LYPLAL1: variants seen among roughly 807,000 people sequenced by gnomAD.
LYPLAL1 encodes lysophospholipase-like protein 1.
LYPLAL1 carries 23 observed loss-of-function variants against 19.7 expected under a neutral mutation model. The ratio of observed to expected loss-of-function variants is 1.17; its 90% CI spans 0.84 to 1.65. The LOEUF (loss-of-function observed/expected upper bound fraction) is 1.65. Ranked by LOEUF, LYPLAL1 falls within the 40% of genes most tolerant of loss-of-function variation. The pLI is 0.00. For missense variants in LYPLAL1, 355 were observed against 279.4 expected (o/e 1.27, Z -1.93); for synonymous variants, 119 against 96.3 (o/e 1.24, Z -1.38).
At chr1:219,237,576 C>G in the LYPLAL1 span, among the ~76,000 whole-genome samples, 1 of 152,278 alleles carries the variant, frequency 6.6e-6, no homozygotes, top group East Asian at 1.9e-4. Context: ...TATCTTGTTG[C>G]TCGGTCTACT....
At chr1:219,356,422 C>T in the LYPLAL1 span, among the ~76,000 whole-genome samples, 1 of 152,132 alleles carries the variant, frequency 6.6e-6, no homozygotes, top group Non-Finnish European at 1.5e-5. Flanking sequence ...ATCGCTTGAA[C>T]CCGGGAGGCG....
chr1:219,213,534 T>A (rs1291788165), downstream of LYPLAL1, among the ~76,000 whole-genome samples: 1 of 152,050 alleles, frequency 6.6e-6, no homozygotes, highest in African/African-American at 2.4e-5. Context: ...CTATGTTGAA[T>A]CTTCTAATCC....
chr1:219,295,173 T>C, the LYPLAL1 span, among the ~76,000 whole-genome samples: 6 of 152,202 alleles, frequency 3.9e-5, no homozygotes, highest in African/African-American at 1.4e-4. Flanking sequence ...AACTTGCCTA[T>C]GCCCTTATCA....
the LYPLAL1 span, among the ~76,000 whole-genome samples, chr1:219,330,840 C>A: frequency 6.6e-6 from 1 of 152,168 alleles, no homozygotes; most frequent in African/African-American, 2.4e-5. Context: ...GCTGAGAAGA[C>A]TATTGATTGA....
the LYPLAL1 span, among the ~76,000 whole-genome samples, chr1:219,366,863 A>G: frequency 1.3e-5 from 2 of 152,042 alleles, no homozygotes; most frequent in African/African-American, 4.8e-5. Context: ...AGTGTGCAAT[A>G]TCATATCCCT....
intron 2 of LYPLAL1, among the ~76,000 whole-genome samples, chr1:219,183,577 C>A (rs540817819): frequency 6.6e-6 from 1 of 152,048 alleles, no homozygotes; most frequent in East Asian, 1.9e-4. Context: ...TTTCCTTGTG[C>A]TTCTTTCAAG....
the LYPLAL1 span, among the ~76,000 whole-genome samples, chr1:219,285,037 C>CATA: frequency 6.6e-6 from 1 of 152,178 alleles, no homozygotes; most frequent in African/African-American, 2.4e-5. Flanking sequence ...AGTGTCTACA[C>CATA]AGTTAAGAAG....
the LYPLAL1 span, among the ~76,000 whole-genome samples, chr1:219,314,377 T>C: frequency 6.6e-6 from 1 of 152,276 alleles, no homozygotes; most frequent in Admixed American, 6.5e-5. Context: ...AATTCTGTTT[T>C]AACCTCTTTG....
the LYPLAL1 span, among the ~76,000 whole-genome samples, chr1:219,290,802 T>C: frequency 0.47 from 71,362 of 152,034 alleles, 17,504 homozygotes; most frequent in East Asian, 0.8. Flanking sequence ...TAACATAACT[T>C]GTGACCATAC....
chr1:219,258,528 T>C, the LYPLAL1 span, among the ~76,000 whole-genome samples: 3,513 of 152,126 alleles, frequency 0.023, 159 homozygotes, highest in African/African-American at 0.081. Flanking sequence ...AAACGTAAGG[T>C]ATATCTTTTG....
the LYPLAL1 span, among the ~76,000 whole-genome samples, chr1:219,293,854 A>G: frequency 1.3e-5 from 2 of 152,240 alleles, no homozygotes; most frequent in Admixed American, 6.5e-5. Flanking sequence ...TTTAAGGAAG[A>G]GAAAGGATGC....
the LYPLAL1 span, among the ~76,000 whole-genome samples, chr1:219,247,636 T>C: frequency 6.6e-6 from 1 of 152,214 alleles, no homozygotes; most frequent in Non-Finnish European, 1.5e-5. Flanking sequence ...TATAATGTGA[T>C]TGGTAACCAG....
chr1:219,308,130 T>G, the LYPLAL1 span, among the ~76,000 whole-genome samples: 2 of 152,186 alleles, frequency 1.3e-5, no homozygotes, highest in African/African-American at 4.8e-5. Flanking sequence ...CTTGTTATGT[T>G]TAATGAAGAG....
At chr1:219,304,391 T>C in the LYPLAL1 span, among the ~76,000 whole-genome samples, 1 of 152,334 alleles carries the variant, frequency 6.6e-6, no homozygotes, top group African/African-American at 2.4e-5. Flanking sequence ...ATCACTGGCA[T>C]ATGTGGGTAG....
At chr1:219,392,347 T>C in the LYPLAL1 span, among the ~76,000 whole-genome samples, 2 of 152,218 alleles carry the variant, frequency 1.3e-5, no homozygotes, top group South Asian at 4.1e-4. Context: ...ATTACTACAG[T>C]AGGCAAAATC....
chr1:219,383,247 C>T, the LYPLAL1 span, among the ~76,000 whole-genome samples: 2 of 152,342 alleles, frequency 1.3e-5, no homozygotes, highest in East Asian at 3.9e-4. Context: ...TTATATTCTA[C>T]TCAAAACTCA....
At chr1:219,175,370 A>AG (rs751237879) in intron 1 of LYPLAL1, among the ~76,000 whole-genome samples, 1 of 152,174 alleles carries the variant, frequency 6.6e-6, no homozygotes, top group Non-Finnish European at 1.5e-5. Context: ...CTTAATAACT[A>AG]GGAGACTGGT....
chr1:219,370,498 T>A, the LYPLAL1 span, among the ~76,000 whole-genome samples: 1 of 151,968 alleles, frequency 6.6e-6, no homozygotes, highest in Non-Finnish European at 1.5e-5. Context: ...AGATATTGAG[T>A]CTCCTCCTTC....
the LYPLAL1 span, among the ~76,000 whole-genome samples, chr1:219,373,288 G>A: frequency 6.6e-6 from 1 of 152,158 alleles, no homozygotes; most frequent in African/African-American, 2.4e-5. Flanking sequence ...GTAGGAAACC[G>A]CTCCCATCAC....
Sources: gnomAD v4.1 joint callset for allele counts (sites outside exome capture counted in the v4.1 genomes callset) on GRCh38, gnomAD v4.1.1 for gene constraint, MANE v1.5 for transcripts, NCBI Gene and HGNC (gene_info 2026-07-23, HGNC 2026-07-21) for gene names.